SOX5: variants seen among roughly 807,000 people sequenced by gnomAD.
SOX5 encodes SRY-box transcription factor 5, also known as transcription factor SOX-5.
A neutral mutation model predicts 92.0 loss-of-function variants in SOX5; 9 were observed. That is an observed-to-expected ratio of 0.10 (90% confidence interval 0.06 to 0.17). The LOEUF (loss-of-function observed/expected upper bound fraction) is 0.17. Ranked by LOEUF, SOX5 falls within the 10% of genes least tolerant of loss-of-function variation. The pLI, the probability that SOX5 is intolerant of heterozygous loss-of-function variation, is 1.00. For missense variants in SOX5, 642 were observed against 944.5 expected (o/e 0.68, Z 4.20); for synonymous variants, 344 against 336.3 (o/e 1.02, Z -0.25).
intron 3 of SOX5, among the ~76,000 whole-genome samples, chr12:24,262,589 A>G (rs1942306877): frequency 6.6e-6 from 1 of 152,196 alleles, no homozygotes; most frequent in South Asian, 2.1e-4. Context: ...ATCTTGAGAC[A>G]ACTGGCATTC....
intron 2 of SOX5, among the ~76,000 whole-genome samples, chr12:24,318,521 G>C (rs185591285): frequency 6.6e-6 from 1 of 152,326 alleles, no homozygotes; most frequent in Admixed American, 6.5e-5. Flanking sequence ...TTTGAACAGA[G>C]AGACATGCTT....
chr12:24,122,962 C>T (rs904541262), intron 4 of SOX5, among the ~76,000 whole-genome samples: 1 of 152,186 alleles, frequency 6.6e-6, no homozygotes, highest in Non-Finnish European at 1.5e-5. Context: ...TCAATGTCAA[C>T]CAAGGTCGAG....
chr12:24,051,097 G>C (rs1389533349), intron 4 of SOX5, among the ~76,000 whole-genome samples: 1 of 152,112 alleles, frequency 6.6e-6, no homozygotes, highest in Non-Finnish European at 1.5e-5. Context: ...ACTTGACAGA[G>C]AGATGGAAAG....
chr12:24,487,122 T>C (rs938155837), intron 1 of SOX5, among the ~76,000 whole-genome samples: 1 of 152,220 alleles, frequency 6.6e-6, no homozygotes, highest in African/African-American at 2.4e-5. Context: ...CTGTCTCTAA[T>C]GTTAAATAAT....
intron 12 of SOX5, among the ~76,000 whole-genome samples, chr12:23,545,103 A>G (rs1441254388): frequency 6.6e-6 from 1 of 152,224 alleles, no homozygotes; most frequent in Non-Finnish European, 1.5e-5. Flanking sequence ...ACGTGTTTCA[A>G]CGTTCAGGTT....
At chr12:23,987,814 G>T (rs1403850787) in intron 4 of SOX5, among the ~76,000 whole-genome samples, 1 of 152,050 alleles carries the variant, frequency 6.6e-6, no homozygotes. Context: ...CATCATGGAG[G>T]ATTCTAAGAC....
intron 3 of SOX5, among the ~76,000 whole-genome samples, chr12:24,273,982 G>A (rs934189684): frequency 3.3e-5 from 5 of 151,994 alleles, no homozygotes; most frequent in Non-Finnish European, 7.4e-5. Flanking sequence ...ATTTCATTGT[G>A]GTACAACTTT....
At position 24,349,954 on chromosome 12, in the gene SOX5, T is replaced by C. The variant is rs10842330; in HGVS notation, c.-174+18609A>G. ...CATCTTTGCTGACACTTTTTCTTTCTATATTTCCATTTTAGCATGTTTCTA... is the reference window on the plus strand; with the variant it reads ...CATCTTTGCTGACACTTTTTCTTTCCATATTTCCATTTTAGCATGTTTCTA... On this transcript the variant is annotated intron_variant, in intron 2 of 4. Transcript: ENST00000446891. Among the ~76,000 whole-genome samples the C allele has an allele frequency of 1.9e-3, 284 of 152,334 alleles. 2 individuals carry two copies. The highest frequency in any genetic ancestry group is 3.3e-3 in the Non-Finnish European group (227 of 68,030).
intron 1 of SOX5, among the ~76,000 whole-genome samples, chr12:24,556,990 T>C (rs1953854051): frequency 6.6e-6 from 1 of 152,360 alleles, no homozygotes; most frequent in Non-Finnish European, 1.5e-5. Flanking sequence ...CTAACATTTA[T>C]TGAGCACCTA....
At chr12:23,908,587 C>T (rs2097317443) in intron 1 of SOX5, among the ~76,000 whole-genome samples, 1 of 151,542 alleles carries the variant, frequency 6.6e-6, no homozygotes, top group African/African-American at 2.4e-5. Context: ...ATACAGTGCA[C>T]AAATCTTTTC....
chr12:24,119,328 C>G (rs1948391117), intron 4 of SOX5, among the ~76,000 whole-genome samples: 1 of 152,070 alleles, frequency 6.6e-6, no homozygotes, highest in Admixed American at 6.5e-5. Context: ...TAGCACTATT[C>G]TCACCATCAA....
Position 23,533,313 on chromosome 12 carries a change from C to G in SOX5, c.*906G>C, listed in dbSNP as rs1393684073. ...CTCTAAATTTCTTATGTCTCTCTCT[C>G]TCTCTCTCTTTTCACCTGAGAACAG... On this transcript the variant is annotated 3_prime_UTR_variant, in exon 15 of 15. Transcript: ENST00000451604. The G allele has an allele frequency of 2.7e-6, 1 of 366,392 alleles. No homozygotes were observed. The highest frequency in any genetic ancestry group is 2.1e-5 in the African/African-American group (1 of 47,566). The allele number at this position is 366,392 out of a possible 1,614,324, so 22.7% of individuals were successfully genotyped here.
At chr12:23,710,143 C>T (rs1399910068) in intron 6 of SOX5, among the ~76,000 whole-genome samples, 1 of 152,064 alleles carries the variant, frequency 6.6e-6, no homozygotes. Flanking sequence ...CAAAGACACA[C>T]ACGGTAAGAA....
chr12:23,834,490 TTGAAGATTACA>T (rs1480326596), intron 3 of SOX5, among the ~76,000 whole-genome samples: 1 of 151,880 alleles, frequency 6.6e-6, no homozygotes, highest in East Asian at 1.9e-4. Flanking sequence ...TTAAGTGTTT[TTGAAGATTACA>T]TGAAACAGCC....
At chr12:24,464,579 G>A (rs1030922405) in intron 1 of SOX5, among the ~76,000 whole-genome samples, 4 of 152,176 alleles carry the variant, frequency 2.6e-5, no homozygotes, top group African/African-American at 7.2e-5. Flanking sequence ...CTGACCTTGT[G>A]ATCCACCCGC....
chr12:23,685,636 C>A (rs558973335), intron 6 of SOX5, among the ~76,000 whole-genome samples: 43 of 148,636 alleles, frequency 2.9e-4, no homozygotes, highest in Non-Finnish European at 4.9e-4. Context: ...TGTCCCCCCC[C>A]CCAAAAATCT....
intron 4 of SOX5, among the ~76,000 whole-genome samples, chr12:24,155,179 T>C (rs1952039621): frequency 6.6e-6 from 1 of 152,104 alleles, no homozygotes; most frequent in Non-Finnish European, 1.5e-5. Flanking sequence ...TTGATACATA[T>C]TATTTTCAGG....
intron 1 of SOX5, among the ~76,000 whole-genome samples, chr12:24,424,866 C>A (rs995162785): frequency 1.4e-5 from 2 of 140,512 alleles, no homozygotes; most frequent in Non-Finnish European, 3.0e-5. Context: ...CACACACATA[C>A]AAAAAAATCC....
chr12:24,202,319 G>A (rs572440235), intron 4 of SOX5, among the ~76,000 whole-genome samples: 24 of 152,020 alleles, frequency 1.6e-4, no homozygotes, highest in Non-Finnish European at 2.6e-4. Context: ...TTTATTTAAG[G>A]CACACAATTT....
Sources: allele counts gnomAD v4.1 joint callset (sites outside exome capture counted in the v4.1 genomes callset), GRCh38; gene constraint gnomAD v4.1.1; transcripts MANE v1.5; gene names NCBI Gene and HGNC (gene_info 2026-07-23, HGNC 2026-07-21).